The following EHBP1 variants were observed in gnomAD, a reference collection of about 807,000 sequenced individuals.
The protein encoded by EHBP1 is EH domain binding protein 1.
In EHBP1, 55 loss-of-function variants were observed where a neutral mutation model predicts 144.0. That is an observed-to-expected ratio of 0.38 (90% CI 0.31 to 0.48). EHBP1 has a LOEUF of 0.48. Ranked by LOEUF, EHBP1 falls within the 20% of genes least tolerant of loss-of-function variation. EHBP1 has a pLI of 0.98. For synonymous variants in EHBP1, 469 were observed against 472.7 expected, an observed-to-expected ratio of 0.99 and a Z score of 0.10; for missense variants, 1,200 against 1,364.2, an observed-to-expected ratio of 0.88 and a Z score of 1.90.
intron 21 of EHBP1, among the ~76,000 whole-genome samples, chr2:63,042,859 G>T (rs2061726917): frequency 6.6e-6 from 1 of 151,408 alleles, no homozygotes; most frequent in Non-Finnish European, 1.5e-5. Flanking sequence ...ATGTTTTCTT[G>T]GTTTAATTTT....
At chr2:62,799,257 G>A (rs1454730149) in intron 5 of EHBP1, among the ~76,000 whole-genome samples, 1 of 152,086 alleles carries the variant, frequency 6.6e-6, no homozygotes, top group Non-Finnish European at 1.5e-5. Flanking sequence ...TATATGAAAT[G>A]TTAGTAATTT....
At chr2:63,025,725 T>C (rs1298298608) in intron 19 of EHBP1, among the ~76,000 whole-genome samples, 2 of 152,272 alleles carry the variant, frequency 1.3e-5, no homozygotes, top group South Asian at 2.1e-4. Flanking sequence ...ATTTATATCA[T>C]GATAAAAGGG....
intron 10 of EHBP1, among the ~76,000 whole-genome samples, chr2:62,933,906 G>A (rs187268815): frequency 2.0e-5 from 3 of 152,266 alleles, no homozygotes; most frequent in African/African-American, 2.4e-5. Flanking sequence ...GTTTTAGGAT[G>A]TATTTCTTTT....
At chr2:62,870,885 G>A (rs1051680939) in intron 9 of EHBP1, among the ~76,000 whole-genome samples, 14 of 151,370 alleles carry the variant, frequency 9.2e-5, no homozygotes, top group Admixed American at 6.6e-5. Context: ...ATGCTTCCTG[G>A]GTATGGCTAG....
At chr2:63,017,144 A>G (rs2060518561) in intron 19 of EHBP1, among the ~76,000 whole-genome samples, 1 of 152,190 alleles carries the variant, frequency 6.6e-6, no homozygotes, top group Non-Finnish European at 1.5e-5. Context: ...AATTGGAGTA[A>G]AGAACTCAAC....
intron 7 of EHBP1, among the ~76,000 whole-genome samples, chr2:62,854,243 C>G (rs970948637): frequency 6.6e-6 from 1 of 152,198 alleles, no homozygotes; most frequent in Non-Finnish European, 1.5e-5. Context: ...ATGTTCTATC[C>G]AGGCCATTAA....
intron 5 of EHBP1, chr2:62,772,210 AAGAG>A (rs945864231): frequency 9.3e-5 from 14 of 151,086 alleles, no homozygotes; most frequent in Non-Finnish European, 1.8e-4. Context: ...GGGAGGAAGA[AAGAG>A]AGAAGGAGAG....
At chr2:62,721,379 A>C (rs2036209567) in intron 2 of EHBP1, among the ~76,000 whole-genome samples, 1 of 152,220 alleles carries the variant, frequency 6.6e-6, no homozygotes, top group African/African-American at 2.4e-5. Flanking sequence ...CACCTTGATC[A>C]CTTAGTCTAT....
In EHBP1 at chr2:62,941,383, C is replaced by G. The variant is rs899636830; in HGVS notation, c.1186-1335C>G. 7.2e-5 allele frequency among the ~76,000 whole-genome samples: 11 copies of G among 152,162 alleles called. No homozygotes were observed. The South Asian group carries it at 2.3e-3, about 32-fold the overall frequency. ...TTATATTAAGTCGAATTGATCCAAA[C>G]CGTTGATTTTTATGACCTGTGAGCT... On this transcript the variant is annotated intron_variant, in intron 10 of 22. Transcript: ENST00000431489.
chr2:62,971,596 A>G (rs2058498252), intron 14 of EHBP1, among the ~76,000 whole-genome samples: 1 of 152,130 alleles, frequency 6.6e-6, no homozygotes, highest in Admixed American at 6.6e-5. Flanking sequence ...TCAAACAGAC[A>G]CTGATTTTAA....
chr2:62,873,493 G>T (rs2050645202), intron 9 of EHBP1, among the ~76,000 whole-genome samples: 1 of 152,016 alleles, frequency 6.6e-6, no homozygotes, highest in African/African-American at 2.4e-5. Context: ...ACAGGAAGTT[G>T]TTCAACATAT....
intron 9 of EHBP1, among the ~76,000 whole-genome samples, chr2:62,872,342 A>G (rs1170231965): frequency 6.6e-6 from 1 of 152,160 alleles, no homozygotes; most frequent in African/African-American, 2.4e-5. Context: ...ATACCAAGAT[A>G]AAAATAATTG....
chr2:62,721,994 A>T (rs972903870), intron 2 of EHBP1, among the ~76,000 whole-genome samples: 2 of 152,168 alleles, frequency 1.3e-5, no homozygotes, highest in Non-Finnish European at 2.9e-5. Context: ...CCAAGTGGCA[A>T]CATTTTACCA....
At position 62,948,569 on chromosome 2, in the gene EHBP1, C is replaced by G. The variant is rs1330031739; in HGVS notation, c.1723C>G (p.Gln575Glu). 6.2e-7 allele frequency: 1 copy of G among 1,613,976 alleles called. No individual in the cohort carries two copies. The highest frequency in any genetic ancestry group is 8.5e-7 in the Non-Finnish European group (1 of 1,180,006). ...PISGAVDFLS[Q>E]DDSVFVNDSG... ...CAGCGGAGCAGTAGACTTCTTATCA[C>G]AGGATGACTCTGTATTTGTAAATGA... The change falls in exon 13 of 23, where the codon CAG becomes GAG. Residue 575 changes from glutamine (Q) to glutamate (E), a missense_variant. By Grantham distance (29) the Gln-to-Glu change is conservative (BLOSUM62 2). Transcript: ENST00000431489.
chr2:62,883,101 A>G (rs751645356), intron 10 of EHBP1, among the ~76,000 whole-genome samples: 2 of 152,184 alleles, frequency 1.3e-5, no homozygotes, highest in Non-Finnish European at 2.9e-5. Context: ...TGAACCTTGG[A>G]TAAGTAATTT....
intron 10 of EHBP1, among the ~76,000 whole-genome samples, chr2:62,913,218 AT>A (rs1260386454): frequency 3.3e-5 from 5 of 152,230 alleles, no homozygotes; most frequent in Admixed American, 6.5e-5. Context: ...ATGTTTTGAG[AT>A]CACTTTTTTA....
intron 10 of EHBP1, among the ~76,000 whole-genome samples, chr2:62,878,066 A>G (rs2051043453): frequency 6.6e-6 from 1 of 152,194 alleles, no homozygotes. Flanking sequence ...TTGAAAGAAT[A>G]AATAAGATTG....
chr2:62,806,916 T>C (rs1056004314), intron 5 of EHBP1, among the ~76,000 whole-genome samples: 2 of 152,090 alleles, frequency 1.3e-5, no homozygotes, highest in African/African-American at 2.4e-5. Context: ...TTTTTACTTA[T>C]ATATAAGCAT....
chr2:62,796,826 C>CT (rs113168998), intron 5 of EHBP1, among the ~76,000 whole-genome samples: 283 of 139,900 alleles, frequency 2.0e-3, no homozygotes, highest in Middle Eastern at 0.011. Flanking sequence ...TGACTTCTGA[C>CT]TTTTTTTTTT....
Sources: gnomAD v4.1 joint callset for allele counts (sites outside exome capture counted in the v4.1 genomes callset) on GRCh38, gnomAD v4.1.1 for gene constraint, MANE v1.5 for transcripts, NCBI Gene and HGNC (gene_info 2026-07-23, HGNC 2026-07-21) for gene names.